The following ATP10A variants were observed in gnomAD, a reference collection of about 807,000 sequenced individuals.
ATP10A encodes phospholipid-transporting ATPase VA.
Under a neutral mutation model 147.8 loss-of-function variants are expected in ATP10A, and 111 were observed. The observed-to-expected ratio is 0.75, with a 90% CI of 0.64 to 0.88. The LOEUF (loss-of-function observed/expected upper bound fraction) is 0.88, where lower values mean the gene tolerates loss of function less well. Among genes scored for constraint, ATP10A ranks in the 40% least tolerant of loss-of-function variants. ATP10A has a pLI of 0.00. For synonymous variants in ATP10A, 875 were observed against 841.6 expected (o/e 1.04, Z -0.69); for missense variants, 1,927 against 1,959.0 (o/e 0.98, Z 0.31).
intron 7 of ATP10A, among the ~76,000 whole-genome samples, chr15:25,720,100 T>C (rs1027893954): frequency 3.9e-5 from 6 of 152,166 alleles, no homozygotes; most frequent in Admixed American, 3.9e-4. Flanking sequence ...TCAGAATCTT[T>C]CTGTAATCTT....
rs2140321057 is a variant in ATP10A, at chr15:25,694,874, C to T, written c.3033G>A (p.Lys1011=). Residue 1011 remains lysine (K), a synonymous_variant, in exon 14 of 21, where the codon AAG becomes AAA. Coordinates refer to ENST00000555815, the MANE Select transcript of ATP10A (RefSeq NM_024490.4). ...VLCCRSTPLQ[K]SMVVKLVRSK... is the part of the protein sequence containing the mutation. ...TCCGCACCAGCTTCACCACCATGCT[C>T]TTCTGCAGAGGCGTCGACCGACAGC... 1 of 1,614,164 alleles carries T rather than the reference C, an allele frequency of 6.2e-7. No homozygotes were observed. Among genetic ancestry groups the T allele is most frequent in the Non-Finnish European group, 8.5e-7 (1 of 1,180,030 alleles).
rs768569410 is a variant in ATP10A at position 25,862,888 on chromosome 15, G to T, written c.209C>A (p.Thr70Lys). The T allele has an allele frequency of 6.2e-7, 1 of 1,611,892 alleles. No individual in the cohort carries two copies. Among genetic ancestry groups the T allele is most frequent in the East Asian group, 2.2e-5 (1 of 44,808 alleles). Residue 70 changes from threonine (T) to lysine (K), a missense_variant, in exon 1 of 21, where the codon ACG becomes AAG. By Grantham distance (78) the Thr-to-Lys change is moderately conservative. Coordinates refer to ENST00000555815, the MANE Select transcript of ATP10A (RefSeq NM_024490.4). ...ADNRLKTTKY[T>K]LLSFLPKNLF... Reference sequence around the variant, plus strand: ...GTTCTTGGGCAGGAAGGACAGCAGCGTGTACTTGGTAGTCTTGAGCCGGTT... The same window carrying T: ...GTTCTTGGGCAGGAAGGACAGCAGCTTGTACTTGGTAGTCTTGAGCCGGTT...
intron 2 of ATP10A, among the ~76,000 whole-genome samples, chr15:25,756,661 A>G (rs1365694808): frequency 1.3e-5 from 2 of 152,120 alleles, no homozygotes; most frequent in Admixed American, 6.6e-5. Flanking sequence ...AAAAAGAAAG[A>G]AAGAAAGAAA....
intron 2 of ATP10A, among the ~76,000 whole-genome samples, chr15:25,748,852 C>T (rs1488156158): frequency 6.7e-6 from 1 of 150,332 alleles, no homozygotes; most frequent in African/African-American, 2.5e-5. Context: ...GTCAGGAGTT[C>T]AAGAACAGCC....
chr15:25,708,324 C>T, intron 10 of ATP10A, 24 bp from the exon 11 acceptor site: 1 of 1,601,890 alleles, frequency 6.2e-7, no homozygotes, highest in East Asian at 2.2e-5. Context: ...TAAGCAGAAA[C>T]ATGGGTAAGA....
At chr15:25,748,217 C>T (rs1887952431) in intron 2 of ATP10A, among the ~76,000 whole-genome samples, 1 of 152,122 alleles carries the variant, frequency 6.6e-6, no homozygotes, top group South Asian at 2.1e-4. Context: ...CAGCCTTGGC[C>T]TCCCAAAGTG....
rs267604142 is a variant in ATP10A at position 25,713,786 on chromosome 15, G to A, written c.2232C>T (p.Ser744=). The part of the protein sequence containing the change: ...FELLHTLGFD[S]VRKRMSVVIR... The stretch of plus-strand genomic sequence containing the variant: ...TCACCACTGACATCCTCTTGCGGAC[G>A]GAATCGAAACCCAGTGTGTGCAGGA... The change falls in exon 10 of 21, where the codon TCC becomes TCT. Residue 744 remains serine, a synonymous_variant. Transcript: ENST00000555815. 29 of 1,614,154 alleles carry A rather than the reference G, an allele frequency of 1.8e-5. No homozygotes were observed. The East Asian group carries it at 3.6e-4, about 20-fold the overall frequency.
At chr15:25,836,134 A>G (rs1005710326) in intron 1 of ATP10A, among the ~76,000 whole-genome samples, 1 of 152,168 alleles carries the variant, frequency 6.6e-6, no homozygotes, top group Non-Finnish European at 1.5e-5. Context: ...TTTTTAGTAG[A>G]GACAAGATCT....
At chr15:25,826,608 A>G (rs917759675) in intron 1 of ATP10A, among the ~76,000 whole-genome samples, 7 of 152,172 alleles carry the variant, frequency 4.6e-5, no homozygotes, top group African/African-American at 1.7e-4. Flanking sequence ...CAGCCTGGCC[A>G]ACATGGTAAA....
chr15:25,791,285 G>A (rs1890412249), intron 1 of ATP10A, among the ~76,000 whole-genome samples: 1 of 151,796 alleles, frequency 6.6e-6, no homozygotes, highest in Non-Finnish European at 1.5e-5. Flanking sequence ...GCATCTCCCT[G>A]CCACCCAGAC....
At chr15:25,758,661 TGCTCCACCCTAACTCATTCCGAC>T in intron 2 of ATP10A, among the ~76,000 whole-genome samples, 1 of 116,596 alleles carries the variant, frequency 8.6e-6, no homozygotes, top group African/African-American at 4.0e-5. Context: ...TCCGACCACC[TGCTCCACCCTAACTCATTCCGAC>T]CACCTGCTCC....
chr15:25,711,238 G>A (rs28401767), intron 10 of ATP10A, among the ~76,000 whole-genome samples: 6 of 152,014 alleles, frequency 3.9e-5, no homozygotes, highest in Non-Finnish European at 7.4e-5. Context: ...AAAGTGTTTC[G>A]AGCCCTCTGA....
chr15:25,852,562 G>A (rs1204406470), intron 1 of ATP10A, among the ~76,000 whole-genome samples: 6 of 110,982 alleles, frequency 5.4e-5, no homozygotes, highest in Non-Finnish European at 9.2e-5. Flanking sequence ...GAACTCCTCC[G>A]AAGTTCCCTT....
At chr15:25,723,381 T>C (rs8039318) in intron 6 of ATP10A, among the ~76,000 whole-genome samples, 149,301 of 151,518 alleles carry the variant, frequency 0.99, 73,606 homozygotes, top group East Asian at 1. Flanking sequence ...AAAAACAAAG[T>C]GAAGGACTAA....
intron 1 of ATP10A, among the ~76,000 whole-genome samples, chr15:25,850,043 T>C (rs912949622): frequency 6.6e-6 from 1 of 152,176 alleles, no homozygotes; most frequent in Non-Finnish European, 1.5e-5. Flanking sequence ...AAGACATACA[T>C]AACTAAATAT....
chr15:25,834,379 C>G (rs1039224532), intron 1 of ATP10A, among the ~76,000 whole-genome samples: 2 of 152,084 alleles, frequency 1.3e-5, no homozygotes, highest in African/African-American at 2.4e-5. Flanking sequence ...ACATAAGTGG[C>G]CAATAAACAC....
At chr15:25,719,186 G>C (rs910609211) in intron 7 of ATP10A, among the ~76,000 whole-genome samples, 1 of 152,180 alleles carries the variant, frequency 6.6e-6, no homozygotes, top group African/African-American at 2.4e-5. Flanking sequence ...AGAACTTCAA[G>C]CACAGGCATG....
chr15:25,755,059 T>C (rs1252799211), intron 2 of ATP10A, among the ~76,000 whole-genome samples: 5 of 152,222 alleles, frequency 3.3e-5, no homozygotes, highest in African/African-American at 7.2e-5. Flanking sequence ...AGAATATTCA[T>C]AGGCTAACAC....
intron 1 of ATP10A, among the ~76,000 whole-genome samples, chr15:25,828,428 G>A (rs189697936): frequency 3.5e-4 from 53 of 152,292 alleles, no homozygotes; most frequent in Admixed American, 2.2e-3. Context: ...TTAAAGGATC[G>A]ATACCATACT....
Sources: gnomAD v4.1 joint callset for allele counts (sites outside exome capture counted in the v4.1 genomes callset) on GRCh38, gnomAD v4.1.1 for gene constraint, MANE v1.5 for transcripts, NCBI Gene and HGNC (gene_info 2026-07-23, HGNC 2026-07-21) for gene names.